The following ATRN variants were observed in gnomAD, a reference collection of about 807,000 sequenced individuals.
The protein encoded by ATRN is attractin-2.
ATRN carries 54 observed loss-of-function variants against 178.7 expected under a neutral mutation model. That is an observed-to-expected ratio of 0.30 (90% confidence interval 0.24 to 0.38). ATRN has a LOEUF of 0.38. ATRN is among the 10% of genes least tolerant of loss of function. The pLI is 1.00. For synonymous variants in ATRN, 636 were observed against 663.0 expected (o/e 0.96, Z 0.63); for missense variants, 1,443 against 1,815.1 (o/e 0.79, Z 3.73).
intron 11 of ATRN, among the ~76,000 whole-genome samples, chr20:3,565,842 G>C (rs2086028234): frequency 6.7e-6 from 1 of 150,156 alleles, no homozygotes; most frequent in Non-Finnish European, 1.5e-5. Context: ...AGTGGAATTG[G>C]ACTCAACATA....
At chr20:3,617,886 C>T (rs2086864718) in intron 24 of ATRN, among the ~76,000 whole-genome samples, 1 of 152,122 alleles carries the variant, frequency 6.6e-6, no homozygotes, top group Non-Finnish European at 1.5e-5. Flanking sequence ...CTCTAGAACA[C>T]TCAGGGGTCA....
At chr20:3,539,045 C>T (rs2085581811) in intron 2 of ATRN, among the ~76,000 whole-genome samples, 1 of 152,190 alleles carries the variant, frequency 6.6e-6, no homozygotes, top group Non-Finnish European at 1.5e-5. Flanking sequence ...GCCACATCAC[C>T]TTCTTTTAAT....
At chr20:3,578,435 A>C (rs940679187) in intron 14 of ATRN, 147 bp from the exon 15 acceptor site, 1 of 654,018 alleles carries the variant, frequency 1.5e-6, no homozygotes, top group East Asian at 2.8e-5. Flanking sequence ...GGTCCTTAAT[A>C]ATGTGTCAGA....
chr20:3,484,500 A>T (rs2084664098), intron 1 of ATRN, among the ~76,000 whole-genome samples: 1 of 152,286 alleles, frequency 6.6e-6, no homozygotes, highest in East Asian at 1.9e-4. Flanking sequence ...TTATCTTTAT[A>T]TGGTAAGCGG....
intron 1 of ATRN, among the ~76,000 whole-genome samples, chr20:3,483,356 T>A (rs1373187914): frequency 6.6e-6 from 1 of 151,416 alleles, no homozygotes; most frequent in Non-Finnish European, 1.5e-5. Context: ...AATTACATTC[T>A]TTTTTTTTGT....
intron 9 of ATRN, 24 bp from the exon 10 acceptor site, chr20:3,563,185 A>T: frequency 6.9e-6 from 11 of 1,589,310 alleles, no homozygotes; most frequent in Non-Finnish European, 8.6e-6. Context: ...CCTTGTATTT[A>T]TTATTTCTAA....
chr20:3,583,029 A>G (rs235542), intron 16 of ATRN, among the ~76,000 whole-genome samples: 130,611 of 152,234 alleles, frequency 0.86, 56,443 homozygotes, highest in East Asian at 1. Flanking sequence ...GGAATTGTGG[A>G]TTATTTTGGG....
chr20:3,505,236 C>T (rs142006866), intron 1 of ATRN, among the ~76,000 whole-genome samples: 2,770 of 152,314 alleles, frequency 0.018, 48 homozygotes, highest in Non-Finnish European at 0.029. Context: ...TCTTCTGGAG[C>T]TGTGACACCT....
At chr20:3,513,035 A>G (rs1434979403) in intron 1 of ATRN, among the ~76,000 whole-genome samples, 2 of 152,110 alleles carry the variant, frequency 1.3e-5, no homozygotes, top group Non-Finnish European at 2.9e-5. Context: ...TAGGTTGCAA[A>G]AATTTTCTCC....
intron 13 of ATRN, among the ~76,000 whole-genome samples, 164 bp from the exon 14 acceptor site, chr20:3,576,695 G>GTCTGTCTATCTATCTA (rs11472378): frequency 0.012 from 1,763 of 142,362 alleles, 20 homozygotes; most frequent in South Asian, 0.03. Flanking sequence ...CTGTCTGTCT[G>GTCTGTCTATCTATCTA]TCTATCTATC....
intron 3 of ATRN, among the ~76,000 whole-genome samples, chr20:3,545,183 A>G (rs751488797): frequency 3.9e-4 from 59 of 152,168 alleles, no homozygotes; most frequent in Non-Finnish European, 6.2e-4. Context: ...CCTGGCCTAC[A>G]TGATGAAATG....
chr20:3,619,842 T>A (rs377645415), intron 24 of ATRN, among the ~76,000 whole-genome samples: 2 of 152,296 alleles, frequency 1.3e-5, no homozygotes, highest in East Asian at 3.9e-4. Context: ...TGCGCCCGAT[T>A]CCCTGGCCCC....
intron 1 of ATRN, among the ~76,000 whole-genome samples, chr20:3,519,025 G>A (rs371382625): frequency 0.019 from 2,347 of 121,112 alleles, 24 homozygotes; most frequent in African/African-American, 0.044. Flanking sequence ...AAAAAAGAAA[G>A]AAAACTGTAG....
At chr20:3,500,216 A>G (rs1207047378) in intron 1 of ATRN, among the ~76,000 whole-genome samples, 1 of 152,170 alleles carries the variant, frequency 6.6e-6, no homozygotes, top group Non-Finnish European at 1.5e-5. Flanking sequence ...AGAAATAGGA[A>G]CGCTTTTACA....
At chr20:3,597,194 T>A (rs964816059) in intron 21 of ATRN, among the ~76,000 whole-genome samples, 2 of 151,562 alleles carry the variant, frequency 1.3e-5, no homozygotes, top group African/African-American at 4.8e-5. Context: ...TATATAAAAA[T>A]TTAAAACTTG....
Position 3,540,229 on chromosome 20 carries a change from A to G in ATRN, c.502A>G (p.Arg168Gly), listed in dbSNP as rs2085598584. 6.3e-7 allele frequency: 1 copy of G among 1,582,870 alleles called. No individual in the cohort carries two copies. Among genetic ancestry groups the G allele is most frequent in the East Asian group, 2.3e-5 (1 of 44,366 alleles). ...CTWLIEGQPN[R>G]IMRLRFNHFA... ...TTTTTTTATTCTTTTCAGGCCAAAT[A>G]GAATAATGAGACTTCGTTTCAATCA... Residue 168 changes from arginine (R) to glycine (G), a missense_variant, in exon 3 of 29, where the codon AGA (arginine) becomes GGA (glycine). This residue lies in a region of ATRN where 862 missense variants were observed against 972.1 expected (regional missense o/e 0.89). Coordinates refer to ENST00000262919, the MANE Select transcript of ATRN (RefSeq NM_139321.3).
intron 23 of ATRN, among the ~76,000 whole-genome samples, chr20:3,603,668 T>C (rs138916631): frequency 2.8e-3 from 423 of 152,198 alleles, no homozygotes; most frequent in Non-Finnish European, 4.0e-3. Flanking sequence ...TTTGTATTTT[T>C]AGTAGAGACG....
intron 1 of ATRN, among the ~76,000 whole-genome samples, chr20:3,476,943 A>C (rs2084539991): frequency 2.6e-5 from 4 of 152,278 alleles, no homozygotes; most frequent in Admixed American, 2.6e-4. Flanking sequence ...TTACTAAGTG[A>C]TGTCAACCTC....
intron 26 of ATRN, 150 bp downstream of exon 26, chr20:3,634,539 G>T: frequency 1.6e-6 from 1 of 638,898 alleles, no homozygotes. Flanking sequence ...TGCAGTCCAT[G>T]GTTCTGCAGC....
Sources: gnomAD v4.1 joint callset for allele counts (sites outside exome capture counted in the v4.1 genomes callset) on GRCh38, gnomAD v4.1.1 for gene constraint, gnomAD v4.1.1 regional missense constraint, MANE v1.5 for transcripts, NCBI Gene and HGNC (gene_info 2026-07-23, HGNC 2026-07-21) for gene names.